Variants in SLC12A5 observed in about 807,000 individuals in gnomAD.
The protein encoded by SLC12A5 is K-Cl cotransporter 2.
In SLC12A5, 18 loss-of-function variants were observed where a neutral mutation model predicts 124.0. The observed-to-expected ratio is 0.15, with a 90% CI of 0.10 to 0.22. SLC12A5 has a LOEUF of 0.22. Among genes scored for constraint, SLC12A5 ranks in the 10% least tolerant of loss-of-function variants. SLC12A5 has a pLI of 1.00. For missense variants in SLC12A5, 867 were observed against 1,478.7 expected (o/e 0.59, Z 6.78); for synonymous variants, 589 against 568.0 (o/e 1.04, Z -0.53).
intron 15 of SLC12A5, 28 bp from the exon 16 acceptor site, chr20:46,047,953 C>G: frequency 6.3e-7 from 1 of 1,581,564 alleles, no homozygotes; most frequent in Non-Finnish European, 8.6e-7. Context: ...GCTTTCTGCT[C>G]TCATGTGATC....
chr20:46,055,084 T>A (rs12479764), intron 21 of SLC12A5, 61 bp downstream of exon 21: 39,822 of 1,258,530 alleles, frequency 0.032, 1,001 homozygotes, highest in Admixed American at 0.12. Context: ...GGGTGGCAGG[T>A]TTAGGATGCC....
Position 46,056,904 on chromosome 20 carries a change from G to C in SLC12A5, c.3118G>C (p.Glu1040Gln). The change falls in exon 24 of 26, where the codon GAG becomes CAG. Residue 1040 changes from glutamate to glutamine, a missense_variant. Physicochemically the swap from Glu to Gln is conservative, Grantham distance 29. Coordinates refer to ENST00000243964, the MANE Select transcript of SLC12A5 (RefSeq NM_020708.5). The surrounding 1 kb of genome is among the most constrained non-coding windows in gnomAD (Gnocchi z 4.3). The part of the protein sequence containing the change: ...KDFFSMKPEW[E>Q]NLNQSNVRRM... Reference sequence around the variant, plus strand: ...CTCTTGTGTTTCCTGAAGGGAGTGGGAGAACTTGTAAGTGCTTCAGCATTT... The same window carrying C: ...CTCTTGTGTTTCCTGAAGGGAGTGGCAGAACTTGTAAGTGCTTCAGCATTT... 6.2e-7 allele frequency: 1 copy of C among 1,614,126 alleles called. No homozygotes were observed. The highest frequency in any genetic ancestry group is 1.1e-5 in the South Asian group (1 of 91,076).
At position 46,037,367 on chromosome 20, in the gene SLC12A5, C is replaced by T. The variant is rs1438984495; in HGVS notation, c.594C>T (p.Gly198=). 6.2e-7 allele frequency: 1 copy of T among 1,609,946 alleles called. No individual in the cohort carries two copies. Among genetic ancestry groups the T allele is most frequent in the Non-Finnish European group, 8.5e-7 (1 of 1,177,688 alleles). Residue 198 remains glycine (G), a synonymous_variant, in exon 6 of 26, where the codon GGC becomes GGT. Coordinates refer to ENST00000243964, the MANE Select transcript of SLC12A5 (RefSeq NM_020708.5). ...TTGCAGGAGCCATGTACATCCTGGG[C>T]ACCATCGAAATCCTGCTGGTAAGAG... The part of the protein sequence containing the change: ...TTFAGAMYIL[G]TIEILLAYLF...
intron 1 of SLC12A5, among the ~76,000 whole-genome samples, chr20:46,022,374 A>C (rs1212641769): frequency 8.9e-6 from 1 of 112,682 alleles, no homozygotes; most frequent in African/African-American, 3.4e-5. Flanking sequence ...CGGGACTAGT[A>C]GGGAATGAGT....
intron 14 of SLC12A5, among the ~76,000 whole-genome samples, chr20:46,046,660 GA>G (rs2084598726): frequency 6.6e-6 from 1 of 152,188 alleles, no homozygotes; most frequent in Admixed American, 6.5e-5. Flanking sequence ...GTCTCAGCTG[GA>G]ATCTCTCTCC....
intron 9 of SLC12A5, 79 bp from the exon 10 acceptor site, chr20:46,043,554 G>C: frequency 6.9e-7 from 1 of 1,453,306 alleles, no homozygotes. Context: ...CACTGACCCT[G>C]AGGGTGGTGC....
intron 8 of SLC12A5, 36 bp downstream of exon 8, chr20:46,041,576 G>A (rs536684874): frequency 1.2e-6 from 2 of 1,606,918 alleles, no homozygotes; most frequent in Non-Finnish European, 1.7e-6. Flanking sequence ...TCCAGGGAAC[G>A]CTGCAGGGAT....
rs768740584 is a variant in SLC12A5, at chr20:46,048,133, G to A, written c.2012+48G>A. The A allele has an allele frequency of 2.2e-5, 33 of 1,516,288 alleles. No individual in the cohort carries two copies. The East Asian group carries it at 2.4e-4, about 11-fold the overall frequency. The allele number at this position is 1,516,288 out of a possible 1,614,324, so 93.9% of individuals were successfully genotyped here. On this transcript the variant is annotated intron_variant, in intron 16 of 25. Coordinates refer to ENST00000243964, the MANE Select transcript of SLC12A5 (RefSeq NM_020708.5). ...TGCATAAGAGTGTGTGTGCATGAGTGCAAGGCTCAGGAGACAGGGGGAAGG... is the reference window on the plus strand; with the variant it reads ...TGCATAAGAGTGTGTGTGCATGAGTACAAGGCTCAGGAGACAGGGGGAAGG...
At position 46,057,718 on chromosome 20, in the gene SLC12A5, G is replaced by A. The variant is rs1042836040; in HGVS notation, c.*113G>A. ...ATACAGACCCTGTGCCCGTGTCCTG[G>A]CCCCTTACCCCGCTGCCTGAAGCCC... On this transcript the variant is annotated 3_prime_UTR_variant, in exon 26 of 26. Transcript: ENST00000243964. The surrounding 1 kb of genome is among the most constrained non-coding windows in gnomAD (Gnocchi z 7.1). The A allele has an allele frequency of 9.2e-5, 75 of 815,400 alleles. No homozygotes were observed. The highest frequency in any genetic ancestry group is 2.4e-5 in the Non-Finnish European group (13 of 533,324). 50.5% of individuals were successfully genotyped at this position (815,400 alleles called of 1,614,324 possible).
intron 4 of SLC12A5, chr20:46,036,250 C>T (rs1315686829): frequency 3.5e-6 from 1 of 286,072 alleles, no homozygotes; most frequent in Non-Finnish European, 6.6e-6. Flanking sequence ...TCCAGACTCA[C>T]AAAAATGAGA....
intron 1 of SLC12A5, among the ~76,000 whole-genome samples, chr20:46,031,990 GC>G (rs1448622946): frequency 1.3e-5 from 2 of 152,242 alleles, no homozygotes; most frequent in Non-Finnish European, 2.9e-5. Context: ...GACGAAATCA[GC>G]CCTGGCTGAC....
chr20:46,034,829 C>T, intron 1 of SLC12A5, 119 bp from the exon 2 acceptor site: 1 of 862,168 alleles, frequency 1.2e-6, no homozygotes, highest in Non-Finnish European at 1.9e-6. Flanking sequence ...TGGTATTAGC[C>T]CCATTTTCCC....
chr20:46,040,510 G>A lies in SLC12A5; in HGVS notation c.750G>A (p.Lys250=), dbSNP rs777601251. 2.2e-5 allele frequency: 36 copies of A among 1,614,118 alleles called. No individual in the cohort carries two copies. Among genetic ancestry groups the A allele is most frequent in the Non-Finnish European group, 2.9e-5 (34 of 1,180,062 alleles). The change falls in exon 7 of 26, where the codon AAG becomes AAA. Residue 250 remains lysine (K), a synonymous_variant. Transcript: ENST00000243964. The stretch of plus-strand genomic sequence containing the variant: ...CCACTGTGGTGTTTGTGGGTGTCAA[G>A]TATGTCAACAAGTTTGCCCTTGTCT... ...CMATVVFVGV[K]YVNKFALVFL...
At position 46,035,012 on chromosome 20, in the gene SLC12A5, G is replaced by A. The variant is rs751664445; in HGVS notation, c.117G>A (p.Glu39=). Residue 39 remains glutamate (E), a synonymous_variant, in exon 2 of 26, where the codon GAG becomes GAA. Coordinates refer to ENST00000243964, the MANE Select transcript of SLC12A5 (RefSeq NM_020708.5). ...GCACCGACACAGAGAAGGGAAAGGA[G>A]TATGATGGCAAGAACATGGCCTTGT... ...INSTDTEKGK[E]YDGKNMALFE... The A allele has an allele frequency of 3.5e-5, 56 of 1,614,066 alleles. No homozygotes were observed. The South Asian group carries it at 6.1e-4, about 18-fold the overall frequency.
chr20:46,051,840 G>A lies in SLC12A5; in HGVS notation c.2347G>A (p.Glu783Lys), dbSNP rs2084649398. 1.4e-6 allele frequency: 2 copies of A among 1,451,098 alleles called. No homozygotes were observed. Among genetic ancestry groups the A allele is most frequent in the East Asian group, 6.8e-5 (2 of 29,426 alleles). The allele number at this position is 1,451,098 out of a possible 1,614,324, so 89.9% of individuals were successfully genotyped here. A position where few individuals can be genotyped will look rare whatever the true frequency, so the allele number is the denominator to read the frequency against. Residue 783 changes from glutamate (E) to lysine (K), a missense_variant, in exon 18 of 26, where the codon GAA becomes AAA. Glu to Lys is a moderately conservative substitution (Grantham distance 56). This residue lies in a region of SLC12A5 where 110 missense variants were observed against 149.9 expected (regional missense o/e 0.73). Coordinates refer to ENST00000243964, the MANE Select transcript of SLC12A5 (RefSeq NM_020708.5). ...CTGGCCCCGCAACTGGCGCCAGAAGGAAGATCATCAGACGTGGAGGAACTT... is the reference window on the plus strand; with the variant it reads ...CTGGCCCCGCAACTGGCGCCAGAAGAAAGATCATCAGACGTGGAGGAACTT... ...VGWPRNWRQK[E>K]DHQTWRNFIE... is the part of the protein sequence containing the mutation.
At chr20:46,046,540 T>A (rs1209516077) in intron 14 of SLC12A5, 104 bp downstream of exon 14, 1 of 928,148 alleles carries the variant, frequency 1.1e-6, no homozygotes, top group East Asian at 2.5e-5. Context: ...ACCCCAAACC[T>A]GAAGAGGACA....
intron 1 of SLC12A5, among the ~76,000 whole-genome samples, chr20:46,032,003 A>G (rs1292781213): frequency 6.6e-6 from 1 of 152,192 alleles, no homozygotes; most frequent in African/African-American, 2.4e-5. Flanking sequence ...CTGGCTGACA[A>G]GTCCCGGGAG....
In SLC12A5 at chr20:46,045,695, G is replaced by A. The variant is rs766988656; in HGVS notation, c.1570-183G>A. 1.1e-4 allele frequency among the ~76,000 whole-genome samples: 16 copies of A among 152,166 alleles called. No individual in the cohort carries two copies. The highest frequency in any genetic ancestry group is 2.4e-4 in the Non-Finnish European group (16 of 68,024). On this transcript the variant is annotated intron_variant, in intron 12 of 25. Coordinates refer to ENST00000243964, the MANE Select transcript of SLC12A5 (RefSeq NM_020708.5). This position sits in a 1 kb window ranked among gnomAD's most constrained non-coding sequence, Gnocchi z 4.9. ...GGCACTGGGGTGCCGATCTCAGGGT[G>A]GGCAAGATGCAGCGAAAGCCTGTTA... is the stretch of plus-strand genomic sequence containing the variant.
upstream of SLC12A5, among the ~76,000 whole-genome samples, chr20:46,026,543 G>C (rs916544374): frequency 3.9e-5 from 6 of 152,248 alleles, no homozygotes; most frequent in Non-Finnish European, 7.3e-5. Flanking sequence ...AGGGGTGTCA[G>C]TGGAGGGGCT....
Sources: allele counts gnomAD v4.1 joint callset (sites outside exome capture counted in the v4.1 genomes callset), GRCh38; gene constraint gnomAD v4.1.1; regional missense constraint gnomAD v4.1.1; non-coding constraint Gnocchi (gnomAD v3.1); transcripts MANE v1.5; gene names NCBI Gene and HGNC (gene_info 2026-07-23, HGNC 2026-07-21).